The following TMTC2 variants were observed in gnomAD, a reference collection of about 807,000 sequenced individuals.
TMTC2 encodes protein O-mannosyl-transferase TMTC2.
In TMTC2, 43 loss-of-function variants were observed where a neutral mutation model predicts 82.4. That is an observed-to-expected ratio of 0.52 (90% CI 0.41 to 0.67). The LOEUF (loss-of-function observed/expected upper bound fraction) is 0.67. TMTC2 is among the 30% of genes least tolerant of loss of function. The pLI is 0.00. For synonymous variants in TMTC2, 408 were observed against 381.9 expected, an observed-to-expected ratio of 1.07 and a Z score of -0.80; for missense variants, 919 against 1,012.4, an observed-to-expected ratio of 0.91 and a Z score of 1.25.
intron 2 of TMTC2, among the ~76,000 whole-genome samples, chr12:82,887,666 C>G (rs1454018073): frequency 1.3e-5 from 2 of 152,296 alleles, no homozygotes; most frequent in South Asian, 2.1e-4. Flanking sequence ...TCAGGAAAAA[C>G]TCTCTAAAAT....
At chr12:82,811,502 G>A (rs978107698) in intron 1 of TMTC2, among the ~76,000 whole-genome samples, 1 of 151,950 alleles carries the variant, frequency 6.6e-6, no homozygotes, top group Non-Finnish European at 1.5e-5. Context: ...ATTCTAAGTA[G>A]TGTTGTCACA....
At chr12:83,026,924 T>C (rs1351968402) in intron 8 of TMTC2, among the ~76,000 whole-genome samples, 1 of 152,138 alleles carries the variant, frequency 6.6e-6, no homozygotes, top group Non-Finnish European at 1.5e-5. Context: ...GATCCCATGA[T>C]ATAGATTAGG....
intron 1 of TMTC2, among the ~76,000 whole-genome samples, chr12:82,853,937 GT>G (rs368710876): frequency 0.012 from 1,669 of 143,446 alleles, 33 homozygotes; most frequent in African/African-American, 0.038. Context: ...TTTGGCAGTT[GT>G]TTTTTTTTTT....
intron 3 of TMTC2, among the ~76,000 whole-genome samples, chr12:82,915,550 G>A (rs1444650314): frequency 1.3e-5 from 2 of 152,186 alleles, no homozygotes; most frequent in African/African-American, 4.8e-5. Flanking sequence ...TAGGTGGCAG[G>A]AACATACCTG....
chr12:83,012,604 G>C (rs1880508726), intron 8 of TMTC2, among the ~76,000 whole-genome samples: 2 of 152,030 alleles, frequency 1.3e-5, no homozygotes, highest in South Asian at 4.1e-4. Context: ...TGGGAATATA[G>C]GCATGAAAAA....
At chr12:83,031,001 G>A in intron 9 of TMTC2, 122 bp downstream of exon 9, 1 of 682,368 alleles carries the variant, frequency 1.5e-6, no homozygotes. Context: ...TGCAGATTTA[G>A]CCTCATGCTA....
At chr12:82,804,285 GT>G (rs914078045) in intron 1 of TMTC2, among the ~76,000 whole-genome samples, 3 of 152,062 alleles carry the variant, frequency 2.0e-5, no homozygotes, top group African/African-American at 7.2e-5. Flanking sequence ...TTGGCTAAGA[GT>G]TTAGGGGCCT....
At chr12:82,979,816 G>A (rs1878841905) in intron 7 of TMTC2, among the ~76,000 whole-genome samples, 1 of 151,604 alleles carries the variant, frequency 6.6e-6, no homozygotes, top group African/African-American at 2.4e-5. Flanking sequence ...TTTTGTCTGG[G>A]ACAGTCTATT....
chr12:83,016,314 A>C (rs541336535), intron 8 of TMTC2, among the ~76,000 whole-genome samples: 11 of 152,334 alleles, frequency 7.2e-5, no homozygotes, highest in African/African-American at 2.6e-4. Flanking sequence ...GACTGACTAG[A>C]TAGCCCTTTG....
At position 83,132,505 on chromosome 12, in the gene TMTC2, G is replaced by A. The variant is rs1885294389; in HGVS notation, c.*116G>A. The A allele has an allele frequency of 8.9e-7, 1 of 1,127,690 alleles. No homozygotes were observed. Among genetic ancestry groups the A allele is most frequent in the African/African-American group, 1.6e-5 (1 of 62,468 alleles). 69.9% of individuals were successfully genotyped at this position (1,127,690 alleles called of 1,614,324 possible). A position where few individuals can be genotyped will look rare whatever the true frequency, so the allele number is the denominator to read the frequency against. ...TGTTAGACTTCAAGACCAGGGCAGAGGTCATTGAGGTCACTACCGCTTCTG... is the reference window on the plus strand; with the variant it reads ...TGTTAGACTTCAAGACCAGGGCAGAAGTCATTGAGGTCACTACCGCTTCTG... On this transcript the variant is annotated 3_prime_UTR_variant, in exon 12 of 12. Transcript: ENST00000321196.
In TMTC2 at chr12:82,909,506, A is replaced by T. The variant is rs1193899592; in HGVS notation, c.1483+12860A>T. Among the ~76,000 whole-genome samples the T allele has an allele frequency of 2.6e-5, 4 of 151,672 alleles. No individual in the cohort carries two copies. In the East Asian group the frequency reaches 7.8e-4, roughly 30 times the overall value. On this transcript the variant is annotated intron_variant, in intron 3 of 11. Coordinates refer to ENST00000321196, the MANE Select transcript of TMTC2 (RefSeq NM_152588.3). ...AGGCACGTGCCACCACACCCTGCCA[A>T]TTTTTTTGTATTTTTAGTAGAGATG...
chr12:82,696,963 C>T (rs375304634), intron 1 of TMTC2, among the ~76,000 whole-genome samples: 29 of 121,418 alleles, frequency 2.4e-4, no homozygotes, highest in African/African-American at 3.1e-4. Flanking sequence ...TACATACATA[C>T]GTATATATAT....
chr12:82,784,654 T>A (rs960811693), intron 1 of TMTC2, among the ~76,000 whole-genome samples: 2 of 152,138 alleles, frequency 1.3e-5, no homozygotes, highest in African/African-American at 2.4e-5. Context: ...AAGGGTAACT[T>A]CCTTTTAACT....
chr12:82,995,557 G>A (rs1231446837), intron 8 of TMTC2, among the ~76,000 whole-genome samples: 1 of 152,138 alleles, frequency 6.6e-6, no homozygotes. Flanking sequence ...GCTATGGAGT[G>A]TATCCTTAGT....
chr12:82,940,758 C>CT (rs11380001), intron 4 of TMTC2, among the ~76,000 whole-genome samples: 143,722 of 151,318 alleles, frequency 0.95, 68,290 homozygotes, highest in East Asian at 1. Flanking sequence ...CCTATACATC[C>CT]TTTTTTTTCT....
At chr12:83,101,099 C>T (rs1884201795) in intron 11 of TMTC2, among the ~76,000 whole-genome samples, 1 of 152,168 alleles carries the variant, frequency 6.6e-6, no homozygotes, top group Non-Finnish European at 1.5e-5. Context: ...AAGTAAATTA[C>T]AGTAACACAA....
intron 1 of TMTC2, among the ~76,000 whole-genome samples, chr12:82,803,226 G>A (rs2137039047): frequency 6.6e-6 from 1 of 152,186 alleles, no homozygotes; most frequent in East Asian, 1.9e-4. Context: ...TTGGTGAGAG[G>A]AACAAATATT....
At chr12:82,694,175 G>C (rs541897841) in intron 1 of TMTC2, among the ~76,000 whole-genome samples, 2 of 152,106 alleles carry the variant, frequency 1.3e-5, no homozygotes, top group East Asian at 3.9e-4. Context: ...CACATTAAAA[G>C]TTGATAGCAT....
At position 82,964,892 on chromosome 12, in the gene TMTC2, AT is replaced by A. The variant is rs1878117594; in HGVS notation, c.1599-127del. On this transcript the variant is annotated intron_variant, in intron 4 of 11. Coordinates refer to ENST00000321196, the MANE Select transcript of TMTC2 (RefSeq NM_152588.3). ...AATCATTTCCTTATATTTAGAATTT[AT>A]TTTTATATTACCAGGTTAGCATTTT... The A allele has an allele frequency of 1.2e-5, 6 of 515,730 alleles. No homozygotes were observed. In the South Asian group the frequency reaches 2.3e-4, roughly 20 times the overall value. 31.9% of individuals were successfully genotyped at this position (515,730 alleles called of 1,614,324 possible).
Sources: allele counts gnomAD v4.1 joint callset (sites outside exome capture counted in the v4.1 genomes callset), GRCh38; gene constraint gnomAD v4.1.1; transcripts MANE v1.5; gene names NCBI Gene and HGNC (gene_info 2026-07-23, HGNC 2026-07-21).